Variants in SMCHD1 observed in about 807,000 individuals in gnomAD.
SMCHD1 encodes the protein structural maintenance of chromosomes flexible hinge domain containing 1.
SMCHD1 carries 78 observed loss-of-function variants against 254.7 expected under a neutral mutation model. The ratio of observed to expected loss-of-function variants is 0.31; its 90% CI spans 0.26 to 0.37. The LOEUF (loss-of-function observed/expected upper bound fraction) is 0.37. SMCHD1 is among the 10% of genes least tolerant of loss of function. SMCHD1 has a pLI of 1.00. For synonymous variants in SMCHD1, 766 were observed against 794.9 expected (o/e 0.96, Z 0.61); for missense variants, 1,840 against 2,408.1 (o/e 0.76, Z 4.94).
intron 22 of SMCHD1, chr18:2,726,984 T>A (rs1429091411): frequency 6.5e-6 from 1 of 152,994 alleles, no homozygotes; most frequent in Non-Finnish European, 1.5e-5. Flanking sequence ...ATGGTAGAGA[T>A]TTTAAGTACA....
intron 45 of SMCHD1, among the ~76,000 whole-genome samples, chr18:2,794,212 C>G (rs993708105): frequency 1.3e-5 from 2 of 152,118 alleles, no homozygotes; most frequent in Non-Finnish European, 1.5e-5. Flanking sequence ...CCCAGCACTT[C>G]GGGAGCCCAA....
chr18:2,777,954 T>G (rs2076094610), intron 43 of SMCHD1, 39 bp downstream of exon 43: 2 of 1,274,442 alleles, frequency 1.6e-6, no homozygotes, highest in South Asian at 2.9e-5. Flanking sequence ...TGTACAGATG[T>G]TAAATTTGTG....
chr18:2,752,334 T>G (rs1377619373), intron 33 of SMCHD1, among the ~76,000 whole-genome samples, 154 bp from the exon 34 acceptor site: 5 of 152,178 alleles, frequency 3.3e-5, no homozygotes, highest in African/African-American at 4.8e-5. Flanking sequence ...ACATGTATTA[T>G]GAAGATATAA....
chr18:2,780,630 C>T (rs2076143201), intron 44 of SMCHD1, among the ~76,000 whole-genome samples: 2 of 152,186 alleles, frequency 1.3e-5, no homozygotes, highest in African/African-American at 4.8e-5. Context: ...GTATGAGACA[C>T]AGTAGTGTGC....
At chr18:2,749,894 A>G (rs2143615531) in intron 30 of SMCHD1, 149 bp from the exon 31 acceptor site, 1 of 633,100 alleles carries the variant, frequency 1.6e-6, no homozygotes, top group East Asian at 2.8e-5. Context: ...TATTCCAACT[A>G]GTTCAGATTT....
At chr18:2,692,793 C>A (rs1339823856) in intron 7 of SMCHD1, among the ~76,000 whole-genome samples, 2 of 152,278 alleles carry the variant, frequency 1.3e-5, no homozygotes, top group East Asian at 1.9e-4. Context: ...GTTTTGTAAT[C>A]ATTTGTTTTT....
At position 2,796,397 on chromosome 18, in the gene SMCHD1, A is replaced by G. The variant is rs1400505733; in HGVS notation, c.5879-10A>G. 4.0e-6 allele frequency: 6 copies of G among 1,504,606 alleles called. No individual in the cohort carries two copies. Among genetic ancestry groups the G allele is most frequent in the South Asian group, 1.2e-5 (1 of 80,432 alleles). The allele number at this position is 1,504,606 out of a possible 1,614,324, so 93.2% of individuals were successfully genotyped here. ...GTAAATTTAACTTTCTACATTTTCC[A>G]TCTTCACAGGTATGACTCCCATACG... On this transcript the variant is annotated splice_polypyrimidine_tract_variant and intron_variant, in intron 46 of 47. Transcript: ENST00000320876.
rs150019779 is a variant in SMCHD1, at chr18:2,669,856, T to A, written c.424+2825T>A. Among the ~76,000 whole-genome samples the A allele has an allele frequency of 3.8e-4, 58 of 152,354 alleles. No individual in the cohort carries two copies. The East Asian group carries it at 0.011, about 29-fold the overall frequency. On this transcript the variant is annotated intron_variant, in intron 3 of 47. Coordinates refer to ENST00000320876, the MANE Select transcript of SMCHD1 (RefSeq NM_015295.3). Reference sequence around the variant, plus strand: ...TTGATTATTACTGTGTCCTTCCTGCTGCACAGGCCAAAAATCAAATTGATA... The same window carrying A: ...TTGATTATTACTGTGTCCTTCCTGCAGCACAGGCCAAAAATCAAATTGATA...
chr18:2,677,623 A>AGTTTT (rs1395733568), intron 5 of SMCHD1, among the ~76,000 whole-genome samples: 2 of 152,122 alleles, frequency 1.3e-5, no homozygotes, highest in Non-Finnish European at 2.9e-5. Context: ...TCCTTTTAAT[A>AGTTTT]GTTTTGTTTT....
intron 37 of SMCHD1, among the ~76,000 whole-genome samples, chr18:2,766,831 C>G (rs992702055): frequency 2.0e-5 from 3 of 152,084 alleles, no homozygotes; most frequent in Non-Finnish European, 4.4e-5. Context: ...GTTTGGGACT[C>G]TTCATTTCTG....
intron 15 of SMCHD1, 199 bp from the exon 16 acceptor site, chr18:2,707,361 TTTC>T (rs780301736): frequency 7.9e-5 from 27 of 343,074 alleles, no homozygotes; most frequent in East Asian, 5.0e-4. Context: ...GGTTTTTTTT[TTTC>T]TTCTTCTTTT....
intron 45 of SMCHD1, among the ~76,000 whole-genome samples, chr18:2,785,226 T>C (rs2076219865): frequency 6.6e-6 from 1 of 152,234 alleles, no homozygotes. Context: ...AGAGCCTATT[T>C]GCTCTTAATT....
chr18:2,772,069 T>C (rs1209577925), intron 40 of SMCHD1, among the ~76,000 whole-genome samples, 181 bp from the exon 41 acceptor site: 4 of 152,178 alleles, frequency 2.6e-5, no homozygotes, highest in African/African-American at 9.6e-5. Context: ...ACCATGGTTT[T>C]TAAAATTGTG....
intron 45 of SMCHD1, among the ~76,000 whole-genome samples, chr18:2,787,482 T>A (rs2076257792): frequency 6.6e-6 from 1 of 152,180 alleles, no homozygotes; most frequent in African/African-American, 2.4e-5. Flanking sequence ...GTCATACTTC[T>A]GTTTATGACA....
chr18:2,778,416 A>G (rs1236584219), intron 44 of SMCHD1, among the ~76,000 whole-genome samples, 177 bp downstream of exon 44: 12 of 152,236 alleles, frequency 7.9e-5, no homozygotes, highest in Admixed American at 7.9e-4. Context: ...TGCAAATTTA[A>G]ATAGATGTTT....
chr18:2,689,160 AAAT>A (rs2143056492), intron 7 of SMCHD1, among the ~76,000 whole-genome samples: 1 of 152,156 alleles, frequency 6.6e-6, no homozygotes, highest in East Asian at 1.9e-4. Flanking sequence ...GGTGGCAAGT[AAAT>A]GGTATATTTA....
intron 3 of SMCHD1, among the ~76,000 whole-genome samples, chr18:2,671,887 C>G (rs645018): frequency 0.014 from 2,117 of 152,088 alleles, 50 homozygotes; most frequent in African/African-American, 0.048. Context: ...CGTGAGCCAC[C>G]GCGCCTGGCC....
At chr18:2,704,575 G>A (rs895770486) in intron 13 of SMCHD1, among the ~76,000 whole-genome samples, 3 of 150,958 alleles carry the variant, frequency 2.0e-5, no homozygotes, top group Non-Finnish European at 3.0e-5. Flanking sequence ...ATAGTGTTTT[G>A]GCAGGTTAGA....
intron 3 of SMCHD1, among the ~76,000 whole-genome samples, chr18:2,672,588 C>T (rs1039823609): frequency 3.3e-5 from 5 of 152,210 alleles, no homozygotes; most frequent in South Asian, 2.1e-4. Context: ...AATTAAGATA[C>T]GTAAATTTGA....
Sources: gnomAD v4.1 joint callset for allele counts (sites outside exome capture counted in the v4.1 genomes callset) on GRCh38, gnomAD v4.1.1 for gene constraint, MANE v1.5 for transcripts, NCBI Gene and HGNC (gene_info 2026-07-23, HGNC 2026-07-21) for gene names.